LCN10: variants seen among roughly 807,000 people sequenced by gnomAD.
The protein encoded by LCN10 is lipocalin 10.
A neutral mutation model predicts 25.1 loss-of-function variants in LCN10; 18 were observed. The observed-to-expected ratio is 0.72, with a 90% CI of 0.50 to 1.06. The LOEUF is 1.06. Among genes scored for constraint, LCN10 ranks in the 50% least tolerant of loss-of-function variants. The pLI, the probability that LCN10 is intolerant of heterozygous loss-of-function variation, is 0.00. For synonymous variants in LCN10, 130 were observed against 116.7 expected, an observed-to-expected ratio of 1.11 and a Z score of -0.73; for missense variants, 257 against 258.9, an observed-to-expected ratio of 0.99 and a Z score of 0.05.
chr9:136,741,307 C>A lies in LCN10; in HGVS notation c.312G>T (p.Pro104=), dbSNP rs543728569. 286 of 1,613,486 alleles carry A rather than the reference C, an allele frequency of 1.8e-4. 7 individuals carry two copies. The South Asian group carries it at 3.0e-3, about 17-fold the overall frequency. The change falls in exon 3 of 6, where the codon CCG becomes CCT. Residue 104 remains proline (P), a synonymous_variant. Transcript: ENST00000497771. The part of the protein sequence containing the change: ...EVILRKDGKK[P]VFGNACAYAA... ...CGTATGCACAGGCGTTCCCAAACAC[C>A]GGCTTCTTCCCGTCTTTCCTCAGGA...
At chr9:136,741,228 C>T (rs1157538491) in intron 3 of LCN10, 24 bp downstream of exon 3, 1 of 1,603,624 alleles carries the variant, frequency 6.2e-7, no homozygotes, top group African/African-American at 1.3e-5. Flanking sequence ...CGCAGCTCCT[C>T]CAGGGCCCAG....
Position 136,739,474 on chromosome 9 carries a change from C to G in LCN10, c.*51G>C, listed in dbSNP as rs532008698. On this transcript the variant is annotated 3_prime_UTR_variant, in exon 6 of 6. Coordinates refer to ENST00000497771, the MANE Select transcript of LCN10 (RefSeq NM_001001712.3). This position sits in a 1 kb window ranked among gnomAD's most constrained non-coding sequence, Gnocchi z 6.1. ...ACTTGACATCTGGAACAACGCTCCT[C>G]GGGTCTGGGAGGACCACGCGTCGAA... 6 of 1,564,252 alleles carry G rather than the reference C, an allele frequency of 3.8e-6. No individual in the cohort carries two copies. In the African/African-American group the frequency reaches 4.1e-5, roughly 11 times the overall value.
rs146718889 is a variant in LCN10 at position 136,739,620 on chromosome 9, G to A, written c.575-67C>T. ...GAGGAGACACATGAGCCGTGAACAC[G>A]TCTCCCCCGGCCGCTCCCTGGTTCC... On this transcript the variant is annotated intron_variant, in intron 5 of 5. Transcript: ENST00000497771. The surrounding 1 kb of genome is among the most constrained non-coding windows in gnomAD (Gnocchi z 6.1). 87 of 1,468,964 alleles carry A rather than the reference G, an allele frequency of 5.9e-5. No individual in the cohort carries two copies. The African/African-American group carries it at 9.3e-4, about 16-fold the overall frequency. The allele number at this position is 1,468,964 out of a possible 1,614,324, so 91.0% of individuals were successfully genotyped here.
At position 136,742,012 on chromosome 9, in the gene LCN10, C is replaced by G. The variant is rs771018297; in HGVS notation, c.126G>C (p.Gly42=). The G allele has an allele frequency of 6.2e-7, 1 of 1,612,870 alleles. No individual in the cohort carries two copies. The highest frequency in any genetic ancestry group is 8.5e-7 in the Non-Finnish European group (1 of 1,179,736). ...TGGCAGTGGCCAGAATGTACCAGAACCCTGAAAACTGCGCAGCGGATGTGT... is the reference window on the plus strand; with the variant it reads ...TGGCAGTGGCCAGAATGTACCAGAAGCCTGAAAACTGCGCAGCGGATGTGT... ...SHALNWNKFS[G]FWYILATATD... The change falls in exon 2 of 6, where the codon GGG becomes GGC. Residue 42 remains glycine (G), a synonymous_variant. Coordinates refer to ENST00000497771, the MANE Select transcript of LCN10 (RefSeq NM_001001712.3).
At position 136,741,945 on chromosome 9, in the gene LCN10, G is replaced by C. The variant is rs1846945648; in HGVS notation, c.193C>G (p.Leu65Val). Residue 65 changes from leucine to valine, a missense_variant, in exon 2 of 6, where the codon CTG (leucine) becomes GTG (valine). By Grantham distance (32) the Leu-to-Val change is conservative (BLOSUM62 1). Transcript: ENST00000497771. ...GFLPARDKRK[L>V]GASVVKVNKV... ...TTCACCTTTACCACGGACGCCCCCA[G>C]CTTCCTCTTGTCCCTGGCCGGCAAG... 6.2e-7 allele frequency: 1 copy of C among 1,611,708 alleles called. No individual in the cohort carries two copies. Among genetic ancestry groups the C allele is most frequent in the Non-Finnish European group, 8.5e-7 (1 of 1,179,242 alleles).
In LCN10 at chr9:136,742,924, C is replaced by T. The variant is rs763986466; in HGVS notation, c.-21G>A. Reference sequence around the variant, plus strand: ...CTCATCTTCACCCTCCTCCCTCAGCCGCCAAGGCCAGTGTTTAAACCTCTC... The same window carrying T: ...CTCATCTTCACCCTCCTCCCTCAGCTGCCAAGGCCAGTGTTTAAACCTCTC... On this transcript the variant is annotated 5_prime_UTR_variant, in exon 1 of 6. Transcript: ENST00000497771. 25 of 1,611,108 alleles carry T rather than the reference C, an allele frequency of 1.6e-5. No individual in the cohort carries two copies. Among genetic ancestry groups the T allele is most frequent in the Non-Finnish European group, 2.1e-5 (25 of 1,178,904 alleles).
chr9:136,740,936 C>G lies in LCN10; in HGVS notation c.375G>C (p.Gly125=), dbSNP rs1846918708. Residue 125 remains glycine, a synonymous_variant, in exon 4 of 6, where the codon GGG becomes GGC. Coordinates refer to ENST00000497771, the MANE Select transcript of LCN10 (RefSeq NM_001001712.3). The surrounding 1 kb of genome is among the most constrained non-coding windows in gnomAD (Gnocchi z 5.3). ...GPREGQEGVK[G]VKAFHVLSTD... ...TGGACAGCACGTGGAAGGCCTTCAC[C>G]CCTTTCACTGAAAGAGATGCCCAGA... 2 of 1,613,036 alleles carry G rather than the reference C, an allele frequency of 1.2e-6. No individual in the cohort carries two copies. Among genetic ancestry groups the G allele is most frequent in the African/African-American group, 1.3e-5 (1 of 74,912 alleles).
chr9:136,739,620 G>T lies in LCN10; in HGVS notation c.575-67C>A. 2 of 1,468,962 alleles carry T rather than the reference G, an allele frequency of 1.4e-6. No individual in the cohort carries two copies. Among genetic ancestry groups the T allele is most frequent in the Non-Finnish European group, 1.9e-6 (2 of 1,070,536 alleles). 91.0% of individuals were successfully genotyped at this position (1,468,962 alleles called of 1,614,324 possible). ...GAGGAGACACATGAGCCGTGAACAC[G>T]TCTCCCCCGGCCGCTCCCTGGTTCC... On this transcript the variant is annotated intron_variant, in intron 5 of 5. Coordinates refer to ENST00000497771, the MANE Select transcript of LCN10 (RefSeq NM_001001712.3). This position sits in a 1 kb window ranked among gnomAD's most constrained non-coding sequence, Gnocchi z 6.1.
rs746887258 is a variant in LCN10, at chr9:136,741,332, A to T, written c.287T>A (p.Ile96Asn). ...CGGCTTCTTCCCGTCTTTCCTCAGGATCACCTCCTGGGACTGGCACCCCTT... is the reference window on the plus strand; with the variant it reads ...CGGCTTCTTCCCGTCTTTCCTCAGGTTCACCTCCTGGGACTGGCACCCCTT... ...RLKGCQSQEVILRKDGKKPVF... is the reference protein window; with the variant it reads ...RLKGCQSQEVNLRKDGKKPVF... The change falls in exon 3 of 6, where the codon ATC becomes AAC. Residue 96 changes from isoleucine (I) to asparagine (N), a missense_variant. Transcript: ENST00000497771. 6.2e-7 allele frequency: 1 copy of T among 1,612,768 alleles called. No individual in the cohort carries two copies. Among genetic ancestry groups the T allele is most frequent in the Non-Finnish European group, 8.5e-7 (1 of 1,179,712 alleles).
At chr9:136,741,647 AAC>A (rs1846938346) in intron 2 of LCN10, 1 of 638,072 alleles carries the variant, frequency 1.6e-6, no homozygotes, top group East Asian at 2.8e-5. Context: ...GCTTCCTCCC[AAC>A]ACCTACCCAT....
Position 136,740,803 on chromosome 9 carries a change from C to T in LCN10, c.475+33G>A, listed in dbSNP as rs772636170. On this transcript the variant is annotated intron_variant, in intron 4 of 5. Transcript: ENST00000497771. This position sits in a 1 kb window ranked among gnomAD's most constrained non-coding sequence, Gnocchi z 5.3. ...TCTATGCCTCCCTCTGCACCCCCTC[C>T]ACCATCCTCTGCCATCCGCTGTGCC... The T allele has an allele frequency of 7.0e-5, 109 of 1,565,198 alleles. No homozygotes were observed. Among genetic ancestry groups the T allele is most frequent in the Non-Finnish European group, 8.8e-5 (101 of 1,145,522 alleles).
intron 1 of LCN10, chr9:136,742,356 GC>G: frequency 6.6e-5 from 27 of 408,732 alleles, no homozygotes; most frequent in Non-Finnish European, 8.8e-5. Context: ...CTTCCTGCCG[GC>G]CCCCGGCCCC....
rs11145857 is a variant in LCN10 at position 136,739,159 on chromosome 9, A to C, written c.*366T>G. On this transcript the variant is annotated 3_prime_UTR_variant, in exon 6 of 6. Coordinates refer to ENST00000497771, the MANE Select transcript of LCN10 (RefSeq NM_001001712.3). The surrounding 1 kb of genome is among the most constrained non-coding windows in gnomAD (Gnocchi z 6.1). Reference sequence around the variant, plus strand: ...GGCTTCCTGAGAAAGTGCAGGATGTAAAGGAACGCGGAGGGTGGCGGCGGC... The same window carrying C: ...GGCTTCCTGAGAAAGTGCAGGATGTCAAGGAACGCGGAGGGTGGCGGCGGC... 42,430 of 264,406 alleles carry C rather than the reference A, an allele frequency of 0.16. 3,742 individuals carry two copies. Among genetic ancestry groups the C allele is most frequent in the East Asian group, 0.26 (2,669 of 10,338 alleles). 16.4% of individuals were successfully genotyped at this position (264,406 alleles called of 1,614,324 possible).
In LCN10 at chr9:136,740,862, T is replaced by G. The variant is rs746459858; in HGVS notation, c.449A>C (p.Gln150Pro). The G allele has an allele frequency of 3.1e-6, 5 of 1,613,434 alleles. No homozygotes were observed. The South Asian group carries it at 3.3e-5, about 11-fold the overall frequency. The change falls in exon 4 of 6, where the codon CAA becomes CCA. Residue 150 changes from glutamine to proline, a missense_variant. By Grantham distance (76) the Gln-to-Pro change is moderately conservative. Coordinates refer to ENST00000497771, the MANE Select transcript of LCN10 (RefSeq NM_001001712.3). The surrounding 1 kb of genome is among the most constrained non-coding windows in gnomAD (Gnocchi z 5.3). ...GAAGAGCAGCAGGTTCTTGTAGTTTTGGGTTGCACGCCCCAGGCGGAGGTA... is the reference window on the plus strand; with the variant it reads ...GAAGAGCAGCAGGTTCTTGTAGTTTGGGGTTGCACGCCCCAGGCGGAGGTA... ...LVYLRLGRAT[Q>P]NYKNLLLFHR...
rs558005516 is a variant in LCN10 at position 136,740,821 on chromosome 9, G to T, written c.475+15C>A. The T allele has an allele frequency of 3.8e-6, 6 of 1,599,876 alleles. No homozygotes were observed. The highest frequency in any genetic ancestry group is 2.2e-5 in the East Asian group (1 of 44,722). The stretch of plus-strand genomic sequence containing the variant: ...CCCCCTCCACCATCCTCTGCCATCC[G>T]CTGTGCCTGCTCACGGAAGAGCAGC... On this transcript the variant is annotated intron_variant, in intron 4 of 5. Coordinates refer to ENST00000497771, the MANE Select transcript of LCN10 (RefSeq NM_001001712.3). The surrounding 1 kb of genome is among the most constrained non-coding windows in gnomAD (Gnocchi z 5.3).
Position 136,741,335 on chromosome 9 carries a change from A to G in LCN10, c.284T>C (p.Val95Ala), listed in dbSNP as rs1846929521. 1 of 1,612,248 alleles carries G rather than the reference A, an allele frequency of 6.2e-7. No homozygotes were observed. The part of the protein sequence containing the change: ...RRLKGCQSQE[V>A]ILRKDGKKPV... Reference sequence around the variant, plus strand: ...CTTCTTCCCGTCTTTCCTCAGGATCACCTCCTGGGACTGGCACCCCTTCAA... The same window carrying G: ...CTTCTTCCCGTCTTTCCTCAGGATCGCCTCCTGGGACTGGCACCCCTTCAA... Residue 95 changes from valine to alanine, a missense_variant, in exon 3 of 6, where the codon GTG becomes GCG. Transcript: ENST00000497771.
intron 2 of LCN10, 182 bp downstream of exon 2, chr9:136,741,699 C>G: frequency 1.2e-6 from 1 of 861,692 alleles, no homozygotes; most frequent in Non-Finnish European, 1.7e-6. Context: ...CTCCCAACAC[C>G]CACCCATGTG....
At position 136,739,121 on chromosome 9, in the gene LCN10, T is replaced by C; in HGVS notation, c.*404A>G. On this transcript the variant is annotated 3_prime_UTR_variant, in exon 6 of 6. Coordinates refer to ENST00000497771, the MANE Select transcript of LCN10 (RefSeq NM_001001712.3). This position sits in a 1 kb window ranked among gnomAD's most constrained non-coding sequence, Gnocchi z 6.1. ...GTCATGGGGGCTCCTCCATGTTGGG[T>C]GGATATGCGAACGGCTTCCTGAGAA... The C allele has an allele frequency of 4.5e-6, 1 of 223,424 alleles. No individual in the cohort carries two copies. The highest frequency in any genetic ancestry group is 6.3e-5 in the South Asian group (1 of 15,950). The allele number at this position is 223,424 out of a possible 1,614,324, so 13.8% of individuals were successfully genotyped here.
intron 1 of LCN10, 70 bp downstream of exon 1, chr9:136,742,717 A>G: frequency 6.4e-7 from 1 of 1,563,970 alleles, no homozygotes; most frequent in South Asian, 1.2e-5. Flanking sequence ...GGCTGCCGGG[A>G]GACTGTGCAG....
Sources: allele counts gnomAD v4.1 joint callset, GRCh38; gene constraint gnomAD v4.1.1; non-coding constraint Gnocchi (gnomAD v3.1); transcripts MANE v1.5; gene names NCBI Gene and HGNC (gene_info 2026-07-23, HGNC 2026-07-21).